Variants in EPHB1 observed in about 807,000 individuals in gnomAD.
The protein encoded by EPHB1 is ephrin type-B receptor 1.
EPHB1 carries 30 observed loss-of-function variants against 94.4 expected under a neutral mutation model. The ratio of observed to expected loss-of-function variants is 0.32; its 90% CI spans 0.24 to 0.43. The LOEUF (loss-of-function observed/expected upper bound fraction) is 0.43. Ranked by LOEUF, EPHB1 falls within the 20% of genes least tolerant of loss-of-function variation. The pLI is 1.00. For synonymous variants in EPHB1, 522 were observed against 489.1 expected (o/e 1.07, Z -0.89); for missense variants, 1,055 against 1,308.3 (o/e 0.81, Z 2.99).
intron 1 of EPHB1, among the ~76,000 whole-genome samples, chr3:134,920,614 C>T (rs1404455689): frequency 1.3e-5 from 2 of 152,194 alleles, no homozygotes; most frequent in East Asian, 3.8e-4. Context: ...AACTGAATAT[C>T]TGATTAATGT....
chr3:134,900,123 A>G (rs2038171689), intron 1 of EPHB1, among the ~76,000 whole-genome samples: 2 of 152,246 alleles, frequency 1.3e-5, no homozygotes, highest in Admixed American at 6.5e-5. Context: ...TTCTCCTTCT[A>G]TAGAAATGTG....
chr3:135,242,244 G>T (rs754757668), intron 13 of EPHB1, among the ~76,000 whole-genome samples: 5 of 152,110 alleles, frequency 3.3e-5, no homozygotes, highest in Non-Finnish European at 5.9e-5. Context: ...TATGTTCTCT[G>T]CTTGCCCTTC....
At chr3:134,858,601 T>G (rs1016509696) in intron 1 of EPHB1, among the ~76,000 whole-genome samples, 4 of 152,162 alleles carry the variant, frequency 2.6e-5, no homozygotes, top group African/African-American at 9.7e-5. Context: ...TTATGTAACC[T>G]GAGTGCCAAA....
At chr3:134,973,124 G>A (rs563932165) in intron 3 of EPHB1, among the ~76,000 whole-genome samples, 3 of 152,198 alleles carry the variant, frequency 2.0e-5, no homozygotes, top group Non-Finnish European at 4.4e-5. Context: ...TTGGGTGTGG[G>A]GAATGTGTCC....
intron 1 of EPHB1, among the ~76,000 whole-genome samples, chr3:134,798,174 GA>G (rs2035866975): frequency 6.6e-6 from 1 of 152,208 alleles, no homozygotes; most frequent in African/African-American, 2.4e-5. Context: ...GTCTGCGGTG[GA>G]ATTTCAGTGA....
At chr3:135,039,699 A>G (rs764223714) in intron 3 of EPHB1, among the ~76,000 whole-genome samples, 34 of 152,322 alleles carry the variant, frequency 2.2e-4, no homozygotes, top group South Asian at 6.2e-4. Flanking sequence ...GCTCGGGGCC[A>G]GCAGGGCTGG....
intron 12 of EPHB1, among the ~76,000 whole-genome samples, chr3:135,217,466 ACG>A (rs1352892298): frequency 0.046 from 5,463 of 117,622 alleles, 125 homozygotes; most frequent in South Asian, 0.079. Context: ...ACACACACAC[ACG>A]CACACGGGGA....
At chr3:134,857,837 G>A (rs2037156569) in intron 1 of EPHB1, among the ~76,000 whole-genome samples, 1 of 152,132 alleles carries the variant, frequency 6.6e-6, no homozygotes, top group South Asian at 2.1e-4. Flanking sequence ...ACAGGGAGAG[G>A]GATGTGCTAG....
At chr3:135,229,976 G>A (rs1943493373) in intron 12 of EPHB1, among the ~76,000 whole-genome samples, 1 of 152,184 alleles carries the variant, frequency 6.6e-6, no homozygotes, top group South Asian at 2.1e-4. Flanking sequence ...GAGACATGGG[G>A]AAAGGCCCAG....
At chr3:135,183,548 G>A (rs1240024106) in intron 10 of EPHB1, among the ~76,000 whole-genome samples, 1 of 152,162 alleles carries the variant, frequency 6.6e-6, no homozygotes, top group East Asian at 1.9e-4. Context: ...GCCATGCAGG[G>A]GTTATTGTCT....
intron 12 of EPHB1, among the ~76,000 whole-genome samples, chr3:135,210,741 C>A (rs1943012976): frequency 6.6e-6 from 1 of 152,180 alleles, no homozygotes; most frequent in African/African-American, 2.4e-5. Context: ...GACTCTGAGT[C>A]CAATGCTCAG....
intron 3 of EPHB1, among the ~76,000 whole-genome samples, chr3:135,096,345 A>G (rs78690211): frequency 6.6e-6 from 1 of 152,156 alleles, no homozygotes; most frequent in Admixed American, 6.5e-5. Context: ...CCATGTTTGC[A>G]TTCTTCCAGA....
intron 1 of EPHB1, among the ~76,000 whole-genome samples, chr3:134,829,456 T>A (rs2036542090): frequency 6.6e-6 from 1 of 152,174 alleles, no homozygotes; most frequent in Non-Finnish European, 1.5e-5. Context: ...GAACCCTGCG[T>A]CTCTGAGAAG....
chr3:135,061,964 G>C (rs1040364314), intron 3 of EPHB1, among the ~76,000 whole-genome samples: 1 of 152,144 alleles, frequency 6.6e-6, no homozygotes, highest in Non-Finnish European at 1.5e-5. Flanking sequence ...TCCATGGTGT[G>C]TATGTGCCAT....
chr3:135,238,045 A>T (rs1405652470), intron 12 of EPHB1, among the ~76,000 whole-genome samples: 1 of 152,196 alleles, frequency 6.6e-6, no homozygotes, highest in Non-Finnish European at 1.5e-5. Flanking sequence ...TCATCACTTG[A>T]TGATATTAAT....
chr3:135,207,378 T>C (rs1942924497), intron 12 of EPHB1, among the ~76,000 whole-genome samples: 1 of 152,202 alleles, frequency 6.6e-6, no homozygotes, highest in African/African-American at 2.4e-5. Flanking sequence ...TTTCTAAAAA[T>C]ACAAACAATT....
intron 1 of EPHB1, among the ~76,000 whole-genome samples, chr3:134,896,646 T>C (rs2038092196): frequency 6.6e-6 from 1 of 152,228 alleles, no homozygotes; most frequent in African/African-American, 2.4e-5. Flanking sequence ...TAAATCTCAA[T>C]GGCGCTAACC....
chr3:134,992,169 G>A (rs137994055), intron 3 of EPHB1, among the ~76,000 whole-genome samples: 3,286 of 152,254 alleles, frequency 0.022, 62 homozygotes, highest in Non-Finnish European at 0.032. Context: ...AGACAACACG[G>A]GGGGCCAGGG....
chr3:135,136,882 A>G (rs1247443608), intron 5 of EPHB1, among the ~76,000 whole-genome samples: 1 of 152,212 alleles, frequency 6.6e-6, no homozygotes, highest in Admixed American at 6.5e-5. Flanking sequence ...TGAGTTTAAA[A>G]TAGACCAGAT....
Sources: gnomAD v4.1 joint callset for allele counts (sites outside exome capture counted in the v4.1 genomes callset) on GRCh38, gnomAD v4.1.1 for gene constraint, MANE v1.5 for transcripts, NCBI Gene and HGNC (gene_info 2026-07-23, HGNC 2026-07-21) for gene names.